VEZT: variants seen among roughly 807,000 people sequenced by gnomAD.
VEZT encodes vezatin, adherens junctions transmembrane protein, also known as vezatin.
In VEZT, 39 loss-of-function variants were observed where a neutral mutation model predicts 79.9. The observed-to-expected ratio is 0.49, with a 90% confidence interval of 0.38 to 0.64. VEZT has a LOEUF of 0.64. Among genes scored for constraint, VEZT ranks in the 30% least tolerant of loss-of-function variants. VEZT has a pLI of 0.00. For missense variants in VEZT, 837 were observed against 893.1 expected, an observed-to-expected ratio of 0.94 and a Z score of 0.80; for synonymous variants, 325 against 327.6, an observed-to-expected ratio of 0.99 and a Z score of 0.09.
At chr12:95,225,882 C>G (rs2058405938) in intron 1 of VEZT, among the ~76,000 whole-genome samples, 1 of 150,580 alleles carries the variant, frequency 6.6e-6, no homozygotes, top group South Asian at 2.1e-4. Flanking sequence ...TTGAGGCCAG[C>G]AGTTTGAGAC....
At chr12:95,263,528 G>A (rs1593633200) in intron 4 of VEZT, among the ~76,000 whole-genome samples, 1 of 152,138 alleles carries the variant, frequency 6.6e-6, no homozygotes, top group African/African-American at 2.4e-5. Context: ...GCATATGTCT[G>A]TAGACCTAGC....
At chr12:95,268,518 A>G (rs1344246566) in intron 5 of VEZT, among the ~76,000 whole-genome samples, 1 of 152,112 alleles carries the variant, frequency 6.6e-6, no homozygotes, top group Non-Finnish European at 1.5e-5. Flanking sequence ...AAAAAGTAAT[A>G]GTTCCTTTTT....
intron 1 of VEZT, chr12:95,243,863 A>C (rs2061367949): frequency 2.3e-6 from 1 of 428,258 alleles, no homozygotes; most frequent in African/African-American, 2.1e-5. Context: ...AGGTTGTTAT[A>C]AAGTAAGGAC....
intron 4 of VEZT, among the ~76,000 whole-genome samples, chr12:95,265,801 T>A (rs1241586390): frequency 1.3e-5 from 2 of 152,126 alleles, no homozygotes; most frequent in East Asian, 3.9e-4. Context: ...GTATTAAATA[T>A]AAGATGACAC....
intron 6 of VEZT, among the ~76,000 whole-genome samples, chr12:95,272,322 A>G (rs2367305): frequency 0.75 from 114,076 of 152,132 alleles, 43,804 homozygotes; most frequent in African/African-American, 0.93. Context: ...TGAGGAGCTG[A>G]CATTTAAACT....
rs201569498 is a variant in VEZT at position 95,269,202 on chromosome 12, T to C, written c.711-849T>C. 4.6e-5 allele frequency among the ~76,000 whole-genome samples: 7 copies of C among 152,222 alleles called. No individual in the cohort carries two copies. The East Asian group carries it at 7.7e-4, about 17-fold the overall frequency. On this transcript the variant is annotated intron_variant, in intron 5 of 11. Transcript: ENST00000436874. ...AGATTACTGGTTAGGTGAAAAAATT[T>C]ATCTGATAACCAGGTATTTACTCAT...
intron 1 of VEZT, among the ~76,000 whole-genome samples, chr12:95,236,909 A>G (rs752468118): frequency 2.6e-4 from 40 of 152,146 alleles, no homozygotes; most frequent in Non-Finnish European, 4.6e-4. Context: ...TTACATGTGA[A>G]CTATAGCTCA....
At position 95,251,958 on chromosome 12, in the gene VEZT, T is replaced by G. The variant is rs554034129; in HGVS notation, c.55T>G (p.Tyr19Asp). The G allele has an allele frequency of 6.2e-7, 1 of 1,607,584 alleles. No homozygotes were observed. ...VVFENSPLYQ[Y>D]LQDLGHTDFE... is the part of the protein sequence containing the mutation. ...TTTTCAGAATTCTCCACTTTACCAATACTTACAGGATCTGGGACACACAGA... is the reference window on the plus strand; with the variant it reads ...TTTTCAGAATTCTCCACTTTACCAAGACTTACAGGATCTGGGACACACAGA... Residue 19 changes from tyrosine to aspartate, a missense_variant, in exon 2 of 12, where the codon TAC (tyrosine) becomes GAC (aspartate). By Grantham distance (160) the Tyr-to-Asp change is radical. Transcript: ENST00000436874.
At chr12:95,291,603 G>GA (rs2072835425) in intron 9 of VEZT, among the ~76,000 whole-genome samples, 1 of 152,180 alleles carries the variant, frequency 6.6e-6, no homozygotes, top group Admixed American at 6.5e-5. Context: ...TGTGTTCTAG[G>GA]AAAAATGTAT....
At chr12:95,250,928 C>T (rs1322926832) in intron 1 of VEZT, among the ~76,000 whole-genome samples, 1 of 152,140 alleles carries the variant, frequency 6.6e-6, no homozygotes, top group Non-Finnish European at 1.5e-5. Flanking sequence ...TTAGATGAGA[C>T]AGCTGATGCA....
At position 95,271,016 on chromosome 12, in the gene VEZT, T is replaced by G. The variant is rs557757537; in HGVS notation, c.848+828T>G. 3.3e-5 allele frequency among the ~76,000 whole-genome samples: 5 copies of G among 152,324 alleles called. No homozygotes were observed. The South Asian group carries it at 1.0e-3, about 32-fold the overall frequency. ...AGTTTACAGGGTGCTTTATGTTCTATCATATCCTTATACAAACCTTTGTAG... is the reference window on the plus strand; with the variant it reads ...AGTTTACAGGGTGCTTTATGTTCTAGCATATCCTTATACAAACCTTTGTAG... On this transcript the variant is annotated intron_variant, in intron 6 of 11. Coordinates refer to ENST00000436874, the MANE Select transcript of VEZT (RefSeq NM_017599.4).
intron 3 of VEZT, among the ~76,000 whole-genome samples, chr12:95,258,573 G>A (rs899099009): frequency 3.9e-5 from 6 of 152,214 alleles, no homozygotes; most frequent in African/African-American, 7.2e-5. Context: ...AATGTTGTTA[G>A]CTATACAGAT....
chr12:95,235,277 G>T (rs1308464310), intron 1 of VEZT, among the ~76,000 whole-genome samples: 3 of 58,354 alleles, frequency 5.1e-5, no homozygotes, highest in Non-Finnish European at 9.4e-5. Flanking sequence ...GCGGCTGGCC[G>T]GGCGGGGGCT....
In VEZT at chr12:95,287,846, C is replaced by G. The variant is rs764362580; in HGVS notation, c.1511C>G (p.Thr504Arg). 6.3e-7 allele frequency: 1 copy of G among 1,593,150 alleles called. No individual in the cohort carries two copies. The highest frequency in any genetic ancestry group is 1.8e-5 in the Admixed American group (1 of 56,998). Residue 504 changes from threonine (T) to arginine (R), a missense_variant, in exon 9 of 12, where the codon ACA becomes AGA. Physicochemically the swap from Thr to Arg is moderately conservative, Grantham distance 71. Transcript: ENST00000436874. ...GTCGACAAACTGCTACGAAGAAATA[C>G]AGATAAAAAAGGTACCTGTGAGAGA... ...SQVDKLLRRN[T>R]DKKGKPEIAC...
intron 2 of VEZT, among the ~76,000 whole-genome samples, chr12:95,255,116 A>C (rs1371996070): frequency 6.6e-6 from 1 of 152,082 alleles, no homozygotes; most frequent in Non-Finnish European, 1.5e-5. Context: ...CAAAGCTCAG[A>C]TTCAACTTGT....
At chr12:95,240,134 A>G (rs949729473) in intron 1 of VEZT, among the ~76,000 whole-genome samples, 27 of 152,284 alleles carry the variant, frequency 1.8e-4, no homozygotes, top group African/African-American at 6.0e-4. Flanking sequence ...GAAGATAGAC[A>G]ATCATTGACT....
In VEZT at chr12:95,263,163, G is replaced by A; in HGVS notation, c.434+82G>A. Reference sequence around the variant, plus strand: ...GAAACCCATCATTGTGCTCTCCATTGTAAAGGCATAAACATTCCATACATT... The same window carrying A: ...GAAACCCATCATTGTGCTCTCCATTATAAAGGCATAAACATTCCATACATT... On this transcript the variant is annotated intron_variant, in intron 4 of 11. Transcript: ENST00000436874. 5.7e-6 allele frequency: 7 copies of A among 1,229,128 alleles called. No homozygotes were observed. The South Asian group carries it at 6.5e-5, about 11-fold the overall frequency. 76.1% of individuals were successfully genotyped at this position (1,229,128 alleles called of 1,614,324 possible).
chr12:95,299,685 T>C (rs1399836492), intron 11 of VEZT: 1 of 152,340 alleles, frequency 6.6e-6, no homozygotes, highest in African/African-American at 2.4e-5. Context: ...TGATGTATTA[T>C]CAGTGAAAAC....
At chr12:95,276,251 AT>A (rs969629777) in intron 7 of VEZT, among the ~76,000 whole-genome samples, 2 of 128,490 alleles carry the variant, frequency 1.6e-5, no homozygotes, top group Non-Finnish European at 3.3e-5. Context: ...TTTTCTTTTA[AT>A]TTTTTTCTTT....
Sources: allele counts gnomAD v4.1 joint callset (sites outside exome capture counted in the v4.1 genomes callset), GRCh38; gene constraint gnomAD v4.1.1; transcripts MANE v1.5; gene names NCBI Gene and HGNC (gene_info 2026-07-23, HGNC 2026-07-21).